Variants in ACSM3 observed in about 807,000 individuals in gnomAD.
ACSM3 encodes acyl-CoA synthetase medium chain family member 3.
Under a neutral mutation model 74.1 loss-of-function variants are expected in ACSM3, and 61 were observed. The ratio of observed to expected loss-of-function variants is 0.82; its 90% confidence interval spans 0.67 to 1.02. The LOEUF (loss-of-function observed/expected upper bound fraction) is 1.02. Ranked by LOEUF, ACSM3 falls within the 50% of genes least tolerant of loss-of-function variation. The pLI is 0.00. For missense variants in ACSM3, 660 were observed against 697.0 expected, an observed-to-expected ratio of 0.95 and a Z score of 0.60; for synonymous variants, 213 against 241.5, an observed-to-expected ratio of 0.88 and a Z score of 1.09.
intron 1 of ACSM3, chr16:20,741,398 T>A: frequency 7.4e-7 from 1 of 1,349,872 alleles, no homozygotes; most frequent in South Asian, 1.5e-5. Flanking sequence ...CCTACAGCCG[T>A]CACGCCGACG....
intron 1 of ACSM3, among the ~76,000 whole-genome samples, chr16:20,724,132 T>C (rs1249121064): frequency 6.6e-6 from 1 of 152,204 alleles, no homozygotes; most frequent in African/African-American, 2.4e-5. Flanking sequence ...ATTTATTAAA[T>C]AGGGAATCCT....
intron 1 of ACSM3, among the ~76,000 whole-genome samples, chr16:20,684,613 C>T (rs901958604): frequency 2.1e-4 from 32 of 152,208 alleles, no homozygotes; most frequent in Middle Eastern, 3.2e-3. Flanking sequence ...AAAAATGTCA[C>T]TGTCATGCAG....
Position 20,781,806 on chromosome 16 carries a change from T to C in ACSM3, c.1019+19T>C. 6.4e-7 allele frequency: 1 copy of C among 1,561,298 alleles called. No homozygotes were observed. Among genetic ancestry groups the C allele is most frequent in the South Asian group, 1.1e-5 (1 of 89,940 alleles). On this transcript the variant is annotated intron_variant, in intron 7 of 13. Transcript: ENST00000289416. ...TAACCAGGTAAGAAATGTTAGTAAA[T>C]AGGCATCTAGTGGGGAGAGGGGAGA...
At chr16:20,728,401 A>T (rs1327724854) in intron 1 of ACSM3, 3 of 1,442,962 alleles carry the variant, frequency 2.1e-6, no homozygotes, top group Non-Finnish European at 2.9e-6. Context: ...ATAGATGAAA[A>T]TGGCAATGTT....
chr16:20,688,784 G>T (rs1011827561), intron 1 of ACSM3, among the ~76,000 whole-genome samples: 1 of 151,850 alleles, frequency 6.6e-6, no homozygotes, highest in African/African-American at 2.4e-5. Context: ...TCCTCAAGGT[G>T]AAATAAAAGA....
At chr16:20,796,258 A>T (rs570485828) in intron 12 of ACSM3, 112 bp from the exon 13 acceptor site, 1 of 1,480,368 alleles carries the variant, frequency 6.8e-7, no homozygotes, top group South Asian at 1.4e-5. Context: ...CTTTATTAAA[A>T]CACACTGGCC....
In ACSM3 at chr16:20,711,555, T is replaced by C. The variant is rs545488892; in HGVS notation, c.-190+36733T>C. ...TGCAAGCATCCAAGGCCAAGTGCAT[T>C]GTGGCCAGTGAGGAGGTGGTCCCAG... On this transcript the variant is annotated intron_variant, in intron 1 of 3. Transcript: ENST00000561584. 6.3e-6 allele frequency: 9 copies of C among 1,423,060 alleles called. No homozygotes were observed. The African/African-American group carries it at 9.9e-5, about 16-fold the overall frequency. The allele number at this position is 1,423,060 out of a possible 1,614,324, so 88.2% of individuals were successfully genotyped here.
chr16:20,721,540 G>A (rs1417288391), intron 1 of ACSM3: 1 of 152,224 alleles, frequency 6.6e-6, no homozygotes, highest in East Asian at 1.9e-4. Flanking sequence ...CTGTAGTGCT[G>A]GAGCAGAGTA....
intron 1 of ACSM3, among the ~76,000 whole-genome samples, chr16:20,715,821 A>G (rs1047435635): frequency 6.6e-6 from 1 of 152,168 alleles, no homozygotes; most frequent in Non-Finnish European, 1.5e-5. Flanking sequence ...AGTGGTGTAA[A>G]CAGTAGTATT....
chr16:20,737,962 G>GAA (rs751523219), intron 1 of ACSM3: 99 of 1,251,338 alleles, frequency 7.9e-5, no homozygotes, highest in South Asian at 2.6e-4. Context: ...AGGCTCTTAA[G>GAA]AAAAAAAAAA....
chr16:20,689,164 T>C (rs1477398067), intron 1 of ACSM3, among the ~76,000 whole-genome samples: 1 of 151,744 alleles, frequency 6.6e-6, no homozygotes, highest in African/African-American at 2.4e-5. Context: ...TAATTTTCAT[T>C]ATTGGCCTTA....
chr16:20,686,104 A>G (rs1249831156), intron 1 of ACSM3, among the ~76,000 whole-genome samples: 1 of 152,222 alleles, frequency 6.6e-6, no homozygotes, highest in Non-Finnish European at 1.5e-5. Context: ...AGTTATTTAC[A>G]TAAAGCATGT....
Position 20,691,768 on chromosome 16 carries a change from T to C in ACSM3, c.-190+16946T>C, listed in dbSNP as rs1374207105. Among the ~76,000 whole-genome samples, 7 of 58,818 alleles carry C rather than the reference T, an allele frequency of 1.2e-4. 1 individual carries two copies. The highest frequency in any genetic ancestry group is 5.3e-4 in the East Asian group (2 of 3,750). The allele number at this position is 58,818 out of a possible 152,430, so 38.6% of individuals were successfully genotyped here. On this transcript the variant is annotated intron_variant, in intron 1 of 3. Coordinates refer to the ACSM3 transcript ENST00000561584. ...CCTCTCCAATGTGTGTGTGTGTGTG[T>C]GTGTGTGTGTGTGTGTGTGTGTGTG...
chr16:20,776,410 C>G (rs1336140637), intron 3 of ACSM3, among the ~76,000 whole-genome samples: 1 of 152,162 alleles, frequency 6.6e-6, no homozygotes, highest in Non-Finnish European at 1.5e-5. Context: ...TCCAGGAATG[C>G]CAGACATGTG....
intron 2 of ACSM3, among the ~76,000 whole-genome samples, chr16:20,770,811 T>C (rs1353211870): frequency 1.3e-5 from 2 of 152,212 alleles, no homozygotes; most frequent in Admixed American, 1.3e-4. Context: ...TTGATACATG[T>C]ATAAAATGTG....
At chr16:20,688,904 G>A (rs1009203685) in intron 1 of ACSM3, among the ~76,000 whole-genome samples, 5 of 150,406 alleles carry the variant, frequency 3.3e-5, no homozygotes, top group African/African-American at 1.2e-4. Context: ...AACTCCACTT[G>A]TTATTTGTTA....
At chr16:20,755,078 G>A (rs1380409686) in intron 2 of ACSM3, among the ~76,000 whole-genome samples, 2 of 152,168 alleles carry the variant, frequency 1.3e-5, no homozygotes, top group African/African-American at 4.8e-5. Context: ...ACAATAAGAA[G>A]AAGCTCCTTG....
At chr16:20,765,535 C>T (rs1335585208) in intron 1 of ACSM3, among the ~76,000 whole-genome samples, 3 of 152,086 alleles carry the variant, frequency 2.0e-5, no homozygotes, top group Non-Finnish European at 4.4e-5. Context: ...TATTCAGAAT[C>T]AGCAAGCTAA....
intron 1 of ACSM3, among the ~76,000 whole-genome samples, chr16:20,711,144 C>T (rs1229309467): frequency 6.6e-6 from 1 of 151,992 alleles, no homozygotes; most frequent in Non-Finnish European, 1.5e-5. Flanking sequence ...TAATAATGGC[C>T]CACCATAATA....
Sources: gnomAD v4.1 joint callset for allele counts (sites outside exome capture counted in the v4.1 genomes callset) on GRCh38, gnomAD v4.1.1 for gene constraint, MANE v1.5 for transcripts, NCBI Gene and HGNC (gene_info 2026-07-23, HGNC 2026-07-21) for gene names.